Variants in ANKRD18A observed in about 807,000 individuals in gnomAD.
ANKRD18A encodes the protein ankyrin repeat domain-containing protein 18A.
Under a neutral mutation model 110.6 loss-of-function variants are expected in ANKRD18A, and 72 were observed. That is an observed-to-expected ratio of 0.65 (90% CI 0.54 to 0.79). The LOEUF (loss-of-function observed/expected upper bound fraction) is 0.79. Among genes scored for constraint, ANKRD18A ranks in the 30% least tolerant of loss-of-function variants. The pLI is 0.00. For synonymous variants in ANKRD18A, 305 were observed against 410.3 expected, an observed-to-expected ratio of 0.74 and a Z score of 3.10; for missense variants, 934 against 1,163.3, an observed-to-expected ratio of 0.80 and a Z score of 2.87.
In ANKRD18A at chr9:38,571,620, C is replaced by A; in HGVS notation, c.*425G>T. ...TGGCAGATACTCTTTAAGTCTCCTA[C>A]TACATATGGTAATAAAAACTGTAAA... is the stretch of plus-strand genomic sequence containing the variant. On this transcript the variant is annotated 3_prime_UTR_variant, in exon 16 of 16. Transcript: ENST00000399703. 9.9e-7 allele frequency: 1 copy of A among 1,012,988 alleles called. No homozygotes were observed. The highest frequency in any genetic ancestry group is 4.3e-5 in the South Asian group (1 of 23,248). The allele number at this position is 1,012,988 out of a possible 1,614,324, so 62.7% of individuals were successfully genotyped here. A position where few individuals can be genotyped will look rare whatever the true frequency, so the allele number is the denominator to read the frequency against.
intron 4 of ANKRD18A, 69 bp downstream of exon 4, chr9:38,611,146 T>G: frequency 6.8e-7 from 1 of 1,474,592 alleles, no homozygotes; most frequent in Non-Finnish European, 9.0e-7. Flanking sequence ...CTGACTTGAG[T>G]GACTGTTACC....
chr9:38,615,149 C>A (rs984580259), intron 3 of ANKRD18A, among the ~76,000 whole-genome samples: 1 of 152,190 alleles, frequency 6.6e-6, no homozygotes, highest in Non-Finnish European at 1.5e-5. Flanking sequence ...GATTGCTCTC[C>A]TTTTCCCTTT....
At chr9:38,573,487 T>G (rs1046241597) in intron 15 of ANKRD18A, among the ~76,000 whole-genome samples, 4 of 152,168 alleles carry the variant, frequency 2.6e-5, no homozygotes, top group African/African-American at 9.7e-5. Context: ...GAGGCAAATG[T>G]GGGCAGATCA....
In ANKRD18A at chr9:38,601,154, T is replaced by G; in HGVS notation, c.913A>C (p.Arg305=). 1 of 1,559,122 alleles carries G rather than the reference T, an allele frequency of 6.4e-7. No individual in the cohort carries two copies. ...ACCTGTGGCTGTTTATTTTCACTTC[T>G]TTGGAGCCTTTCTTGCTTTTCCTCT... ...ASEEKQERLQ[R]SENKQPQDSQ... is the part of the protein sequence containing the mutation. The change falls in exon 8 of 16, where the codon AGA becomes CGA. Residue 305 remains arginine (R), a synonymous_variant. Coordinates refer to ENST00000399703, the MANE Select transcript of ANKRD18A (RefSeq NM_147195.4).
chr9:38,570,022 G>C (rs754615663), downstream of ANKRD18A, among the ~76,000 whole-genome samples: 6 of 152,120 alleles, frequency 3.9e-5, no homozygotes, highest in East Asian at 5.8e-4. Flanking sequence ...AGGCAAAGAG[G>C]CTCCACAGAC....
At chr9:38,577,322 T>G (rs1823939435) in intron 13 of ANKRD18A, 58 bp from the exon 14 acceptor site, 1 of 1,470,850 alleles carries the variant, frequency 6.8e-7, no homozygotes, top group Non-Finnish European at 9.0e-7. Context: ...TACCATAGGT[T>G]TGTTGCCTTT....
chr9:38,614,233 T>G (rs1223321961), intron 3 of ANKRD18A, among the ~76,000 whole-genome samples: 6,955 of 144,956 alleles, frequency 0.048, 520 homozygotes, highest in African/African-American at 0.16. Flanking sequence ...TTTTTTTTTT[T>G]TTTTTTTTTT....
rs374394435 is a variant in ANKRD18A, at chr9:38,578,237, CT to C, written c.2248-90del. 6.8e-5 allele frequency: 85 copies of C among 1,252,310 alleles called. No individual in the cohort carries two copies. The African/African-American group carries it at 1.3e-3, about 18-fold the overall frequency. The allele number at this position is 1,252,310 out of a possible 1,614,324, so 77.6% of individuals were successfully genotyped here. A position where few individuals can be genotyped will look rare whatever the true frequency, so the allele number is the denominator to read the frequency against. On this transcript the variant is annotated intron_variant, in intron 12 of 15. Transcript: ENST00000399703. The stretch of plus-strand genomic sequence containing the variant: ...AATAGCAAATTTTGAAATGCATTGA[CT>C]TGAAATAAAATGTTATCTATAATGT...
Position 38,620,476 on chromosome 9 carries a change from C to G in ANKRD18A, c.-191G>C. 7.0e-7 allele frequency: 1 copy of G among 1,433,486 alleles called. No individual in the cohort carries two copies. The highest frequency in any genetic ancestry group is 2.5e-5 in the East Asian group (1 of 39,454). 88.8% of individuals were successfully genotyped at this position (1,433,486 alleles called of 1,614,324 possible). A position where few individuals can be genotyped will look rare whatever the true frequency, so the allele number is the denominator to read the frequency against. On this transcript the variant is annotated 5_prime_UTR_variant, in exon 1 of 16. Transcript: ENST00000399703. ...ATGTAGCTCAGAATCCGCGATCCAGCCCGGTCCACCACAGCCTTCAGCAGC... is the reference window on the plus strand; with the variant it reads ...ATGTAGCTCAGAATCCGCGATCCAGGCCGGTCCACCACAGCCTTCAGCAGC...
downstream of ANKRD18A, chr9:38,568,553 T>C (rs1388257627): frequency 1.6e-5 from 4 of 244,730 alleles, no homozygotes; most frequent in African/African-American, 2.3e-5. Context: ...CCTCAGGCTG[T>C]GGGAACCTGG....
At chr9:38,594,409 G>T (rs2118772143) in intron 9 of ANKRD18A, among the ~76,000 whole-genome samples, 1 of 152,164 alleles carries the variant, frequency 6.6e-6, no homozygotes, top group South Asian at 2.1e-4. Flanking sequence ...ACAGCTAAAA[G>T]TATCTTTGTA....
chr9:38,619,017 AATAT>A (rs1825970174), intron 1 of ANKRD18A, among the ~76,000 whole-genome samples: 2 of 150,688 alleles, frequency 1.3e-5, no homozygotes, highest in Admixed American at 6.6e-5. Context: ...TATTAGTAAA[AATAT>A]ATATAGGAAA....
At chr9:38,602,123 G>C (rs1250677365) in intron 7 of ANKRD18A, among the ~76,000 whole-genome samples, 1 of 149,602 alleles carries the variant, frequency 6.7e-6, no homozygotes, top group Admixed American at 6.7e-5. Flanking sequence ...AATTTTTCTA[G>C]TGTCACTTCA....
At chr9:38,600,372 A>C (rs1246156536) in intron 8 of ANKRD18A, among the ~76,000 whole-genome samples, 1 of 152,210 alleles carries the variant, frequency 6.6e-6, no homozygotes, top group Non-Finnish European at 1.5e-5. Flanking sequence ...AGCCAAAATG[A>C]ATACCAATCA....
At position 38,620,236 on chromosome 9, in the gene ANKRD18A, C is replaced by T. The variant is rs1208482349; in HGVS notation, c.50G>A (p.Ser17Asn). ...ACCCGCATACTCTTGGTCCATGGAG[C>T]TCAGGAGCGCCTGGCCCAGGCGTCT... ...FGRRLGQALL[S>N]SMDQEYAGPG... Residue 17 changes from serine to asparagine, a missense_variant, in exon 1 of 16, where the codon AGC becomes AAC. This residue lies in a region of ANKRD18A where 630 missense variants were observed against 797.5 expected (regional missense o/e 0.79). Transcript: ENST00000399703. 1.3e-6 allele frequency: 2 copies of T among 1,551,502 alleles called. No individual in the cohort carries two copies. The highest frequency in any genetic ancestry group is 1.2e-5 in the South Asian group (1 of 84,058).
chr9:38,584,226 G>C (rs1824279760), intron 12 of ANKRD18A, among the ~76,000 whole-genome samples: 1 of 152,194 alleles, frequency 6.6e-6, no homozygotes, highest in African/African-American at 2.4e-5. Flanking sequence ...CCCAGATTTG[G>C]CTGAACTAAG....
intron 15 of ANKRD18A, chr9:38,573,212 G>A (rs1424770192): frequency 1.3e-6 from 1 of 773,276 alleles, no homozygotes; most frequent in East Asian, 3.4e-5. Flanking sequence ...ACAAAATGTG[G>A]CCCTTAGTAT....
intron 3 of ANKRD18A, among the ~76,000 whole-genome samples, chr9:38,612,785 G>T (rs962592039): frequency 6.6e-6 from 1 of 152,034 alleles, no homozygotes; most frequent in Admixed American, 6.6e-5. Flanking sequence ...CCAAAGTGCT[G>T]GGATTACAGG....
At chr9:38,610,826 AAAC>A (rs980886270) in intron 4 of ANKRD18A, among the ~76,000 whole-genome samples, 4 of 150,564 alleles carry the variant, frequency 2.7e-5, no homozygotes, top group African/African-American at 9.9e-5. Context: ...TGCAGGCTGA[AAAC>A]AACAGCATCA....
Sources: allele counts gnomAD v4.1 joint callset (sites outside exome capture counted in the v4.1 genomes callset), GRCh38; gene constraint gnomAD v4.1.1; regional missense constraint gnomAD v4.1.1; transcripts MANE v1.5; gene names NCBI Gene and HGNC (gene_info 2026-07-23, HGNC 2026-07-21).